Variants in PTGES3L observed in about 807,000 individuals in gnomAD.
PTGES3L encodes the protein putative protein PTGES3L.
In PTGES3L, 17 loss-of-function variants were observed where a neutral mutation model predicts 25.0. The ratio of observed to expected loss-of-function variants is 0.68; its 90% confidence interval spans 0.47 to 1.02. The LOEUF is 1.02. Among genes scored for constraint, PTGES3L ranks in the 50% least tolerant of loss-of-function variants. The pLI, the probability that PTGES3L is intolerant of heterozygous loss-of-function variation, is 0.00. For synonymous variants in PTGES3L, 59 were observed against 65.7 expected, an observed-to-expected ratio of 0.90 and a Z score of 0.50; for missense variants, 202 against 197.5, an observed-to-expected ratio of 1.02 and a Z score of -0.14.
At chr17:42,978,505 T>C (rs1172959127) in intron 4 of PTGES3L, among the ~76,000 whole-genome samples, 1 of 151,854 alleles carries the variant, frequency 6.6e-6, no homozygotes, top group Non-Finnish European at 1.5e-5. Context: ...TGAAGTGGAG[T>C]CTTACACATT....
At chr17:42,972,704 T>C (rs2049867994) in intron 4 of PTGES3L, among the ~76,000 whole-genome samples, 1 of 152,070 alleles carries the variant, frequency 6.6e-6, no homozygotes, top group South Asian at 2.1e-4. Flanking sequence ...TGCCTTGGCC[T>C]CCCAAAGTGC....
chr17:42,975,074 T>C (rs1029518127), intron 4 of PTGES3L, among the ~76,000 whole-genome samples: 2 of 142,818 alleles, frequency 1.4e-5, no homozygotes, highest in African/African-American at 5.2e-5. Context: ...AGGGCAACGC[T>C]GCTGTGAACC....
chr17:42,977,649 G>T (rs1239716907), intron 4 of PTGES3L, among the ~76,000 whole-genome samples: 1 of 143,400 alleles, frequency 7.0e-6, no homozygotes, highest in East Asian at 2.0e-4. Context: ...AAGAGAGAGA[G>T]GGGGAGGGAG....
chr17:42,970,174 T>G, intron 6 of PTGES3L, 115 bp downstream of exon 6: 2 of 1,252,146 alleles, frequency 1.6e-6, no homozygotes, highest in South Asian at 2.7e-5. Context: ...AACTCAAATT[T>G]GGTTAACAGG....
chr17:42,973,892 AG>A (rs2151949707), intron 4 of PTGES3L, among the ~76,000 whole-genome samples: 1 of 141,020 alleles, frequency 7.1e-6, no homozygotes, highest in Non-Finnish European at 1.5e-5. Flanking sequence ...GGAAAACCAG[AG>A]ACCTTTGTTC....
At chr17:42,979,709 G>C (rs2050039527) in intron 1 of PTGES3L, 46 bp from the exon 2 acceptor site, 1 of 1,596,342 alleles carries the variant, frequency 6.3e-7, no homozygotes, top group Non-Finnish European at 8.5e-7. Context: ...GGAGAGGGAA[G>C]ACTGAGGTCA....
chr17:42,971,034 T>TA (rs1242945917), intron 5 of PTGES3L, among the ~76,000 whole-genome samples: 1 of 150,724 alleles, frequency 6.6e-6, no homozygotes, highest in African/African-American at 2.4e-5. Flanking sequence ...CATGGTGACT[T>TA]ACGCCTGTAA....
At chr17:42,972,364 G>GGTCTCCCTCTCTTTCCACT in intron 4 of PTGES3L, among the ~76,000 whole-genome samples, 1 of 88,950 alleles carries the variant, frequency 1.1e-5, no homozygotes, top group South Asian at 4.5e-4. Flanking sequence ...CTCTTTCCAC[G>GGTCTCCCTCTCTTTCCACT]GTCTCCCTCT....
At chr17:42,969,584 T>A (rs951609149) in intron 6 of PTGES3L, among the ~76,000 whole-genome samples, 8 of 151,896 alleles carry the variant, frequency 5.3e-5, no homozygotes, top group African/African-American at 1.9e-4. Context: ...GTACTTTTGG[T>A]AGAGACAGGG....
chr17:42,978,537 A>G (rs759982834), intron 4 of PTGES3L, among the ~76,000 whole-genome samples: 1 of 152,210 alleles, frequency 6.6e-6, no homozygotes, highest in East Asian at 1.9e-4. Flanking sequence ...AACGAAAGTA[A>G]GTTAACTGGG....
intron 4 of PTGES3L, among the ~76,000 whole-genome samples, chr17:42,973,838 T>A (rs1242161485): frequency 1.4e-5 from 2 of 144,560 alleles, no homozygotes; most frequent in South Asian, 4.5e-4. Flanking sequence ...TCTCAAGTAA[T>A]CAGGGACACA....
At chr17:42,973,256 CCCGCCCGG>C (rs2049888219) in intron 4 of PTGES3L, among the ~76,000 whole-genome samples, 1 of 149,650 alleles carries the variant, frequency 6.7e-6, no homozygotes, top group Non-Finnish European at 1.5e-5. Flanking sequence ...GGGTCAGCCC[CCCGCCCGG>C]CCAGCCGCCC....
Position 42,968,578 on chromosome 17 carries a change from G to A in PTGES3L, c.*570C>T, listed in dbSNP as rs897338246. ...AAGAGATTTCTAGAGTGTGCAGGAA[G>A]CTGAAGTGGCTGGTTCTAGAGATGA... On this transcript the variant is annotated 3_prime_UTR_variant, in exon 7 of 7. Coordinates refer to ENST00000591916, the MANE Select transcript of PTGES3L (RefSeq NM_001261430.2). 1 of 151,902 alleles carries A rather than the reference G, an allele frequency of 6.6e-6. No homozygotes were observed. The highest frequency in any genetic ancestry group is 2.4e-5 in the African/African-American group (1 of 41,312). 9.4% of individuals were successfully genotyped at this position (151,902 alleles called of 1,614,324 possible).
chr17:42,970,374 A>G (rs756018164), intron 5 of PTGES3L, 32 bp from the exon 6 acceptor site: 1 of 1,612,642 alleles, frequency 6.2e-7, no homozygotes, highest in Admixed American at 1.7e-5. Context: ...CACAAGGGAG[A>G]AGGGAGTGAA....
chr17:42,969,126 C>T lies in PTGES3L; in HGVS notation c.*22G>A. On this transcript the variant is annotated 3_prime_UTR_variant, in exon 7 of 7. Transcript: ENST00000591916. ...ACTGGAAAATAGCCACAGCTGCCTTCCCAGCTTTGCGTCACAGAAAGTTAA... is the reference window on the plus strand; with the variant it reads ...ACTGGAAAATAGCCACAGCTGCCTTTCCAGCTTTGCGTCACAGAAAGTTAA... 1 of 1,536,576 alleles carries T rather than the reference C, an allele frequency of 6.5e-7. No individual in the cohort carries two copies. The highest frequency in any genetic ancestry group is 8.8e-7 in the Non-Finnish European group (1 of 1,134,088).
chr17:42,972,881 G>A (rs1240027673), intron 4 of PTGES3L, among the ~76,000 whole-genome samples: 106 of 150,066 alleles, frequency 7.1e-4, no homozygotes, highest in African/African-American at 2.5e-3. Context: ...AGTGAGGAGC[G>A]CCTCTTCCCG....
At chr17:42,972,080 C>T (rs966424246) in intron 4 of PTGES3L, 11 of 195,556 alleles carry the variant, frequency 5.6e-5, no homozygotes, top group South Asian at 2.7e-4. Flanking sequence ...CCCAGCTACT[C>T]GGGAGGCTGA....
At chr17:42,977,752 GA>G (rs1243298265) in intron 4 of PTGES3L, among the ~76,000 whole-genome samples, 3 of 151,922 alleles carry the variant, frequency 2.0e-5, no homozygotes, top group Non-Finnish European at 4.4e-5. Flanking sequence ...TTCTACAGTG[GA>G]AACTACTTCT....
At chr17:42,979,023 T>C in intron 4 of PTGES3L, 147 bp downstream of exon 4, 1 of 825,886 alleles carries the variant, frequency 1.2e-6, no homozygotes, top group Non-Finnish European at 2.0e-6. Context: ...TAAATAAAAA[T>C]AAAAAGAGAG....
Sources: gnomAD v4.1 joint callset for allele counts (sites outside exome capture counted in the v4.1 genomes callset) on GRCh38, gnomAD v4.1.1 for gene constraint, MANE v1.5 for transcripts, NCBI Gene and HGNC (gene_info 2026-07-23, HGNC 2026-07-21) for gene names.